Variants in ZNF280C observed in about 807,000 individuals in gnomAD.
ZNF280C encodes the protein suppressor of hairy wing homolog 3.
Under a neutral mutation model 53.6 loss-of-function variants are expected in ZNF280C, and 14 were observed. The ratio of observed to expected loss-of-function variants is 0.26; its 90% CI spans 0.17 to 0.41. The LOEUF (loss-of-function observed/expected upper bound fraction) is 0.41. Among genes scored for constraint, ZNF280C ranks in the 10% least tolerant of loss-of-function variants. ZNF280C has a pLI of 1.00. For synonymous variants in ZNF280C, 203 were observed against 181.1 expected (o/e 1.12, Z -0.97); for missense variants, 416 against 547.1 (o/e 0.76, Z 2.39).
chrX:130,236,988 A>G (rs950134231), intron 6 of ZNF280C, among the ~76,000 whole-genome samples: 1 of 111,869 alleles, frequency 8.9e-6, no homozygotes, highest in Admixed American at 9.6e-5. Context: ...GCTAAATAAA[A>G]TAAATAAAAG....
At chrX:130,244,172 A>T (rs976878814) in intron 3 of ZNF280C, among the ~76,000 whole-genome samples, 6 of 111,734 alleles carry the variant, frequency 5.4e-5, no homozygotes, top group African/African-American at 2.0e-4. Context: ...GACTAAATTA[A>T]ACCTGGAGTT....
intron 2 of ZNF280C, 108 bp from the exon 3 acceptor site, chrX:130,247,113 T>C: frequency 2.6e-6 from 2 of 783,537 alleles, no homozygotes; most frequent in South Asian, 3.2e-5. Context: ...CTAATAGCAA[T>C]TACTGACTTG....
intron 1 of ZNF280C, among the ~76,000 whole-genome samples, chrX:130,263,414 G>C (rs1367930682): frequency 1.8e-5 from 2 of 112,087 alleles, no homozygotes; most frequent in Non-Finnish European, 3.8e-5. Flanking sequence ...CAATACTAAT[G>C]GGCCTTGAGA....
intron 13 of ZNF280C, 106 bp from the exon 14 acceptor site, chrX:130,216,207 G>T: frequency 2.6e-6 from 2 of 756,699 alleles, no homozygotes; most frequent in Non-Finnish European, 3.8e-6. Flanking sequence ...AACTGGCAAG[G>T]GTCCCAAAAC....
intron 1 of ZNF280C, among the ~76,000 whole-genome samples, chrX:130,264,193 A>C (rs1340237859): frequency 9.0e-6 from 1 of 111,334 alleles, no homozygotes; most frequent in Non-Finnish European, 1.9e-5. Flanking sequence ...GAGAGTAGGT[A>C]AACATTCGAC....
intron 13 of ZNF280C, among the ~76,000 whole-genome samples, chrX:130,219,442 G>T (rs1331555364): frequency 1.1e-5 from 1 of 93,688 alleles, no homozygotes; most frequent in African/African-American, 4.1e-5. Flanking sequence ...AGCTGAGATC[G>T]CGCCACTGCA....
At chrX:130,268,349 G>A (rs1288411934) in intron 1 of ZNF280C, among the ~76,000 whole-genome samples, 1 of 111,574 alleles carries the variant, frequency 9.0e-6, no homozygotes, top group Non-Finnish European at 1.9e-5. Flanking sequence ...TTTGATTGAA[G>A]AGACTTGAGG....
rs1161249179 is a variant in ZNF280C at position 130,215,986 on chromosome X, G to A, written c.1643C>T (p.Thr548Ile). 8.3e-7 allele frequency: 1 copy of A among 1,209,553 alleles called. No homozygotes were observed. ...ATTAGATTTTCTAGGATTTCTAGCA[G>A]TTGTATTTTGAGATGTCGGAGGTGT... ...QVTPPTSQNT[T>I]ARNPRKSNAS... The change falls in exon 14 of 19, where the codon ACT (threonine) becomes ATT (isoleucine). Residue 548 changes from threonine (T) to isoleucine (I), a missense_variant. Thr to Ile is a moderately conservative substitution (Grantham distance 89). Coordinates refer to ENST00000370978, the MANE Select transcript of ZNF280C (RefSeq NM_017666.5).
intron 3 of ZNF280C, among the ~76,000 whole-genome samples, chrX:130,245,784 C>CTTTTTTTTTTTTTT (rs72420800): frequency 9.7e-6 from 1 of 103,458 alleles, no homozygotes. Context: ...TATTTGAGGA[C>CTTTTTTTTTTTTTT]TTTTTTTTTT....
intron 3 of ZNF280C, among the ~76,000 whole-genome samples, chrX:130,244,860 A>C (rs17305243): frequency 0.021 from 2,263 of 109,817 alleles, 72 homozygotes; most frequent in Admixed American, 0.1. Context: ...ACACCAAAGT[A>C]GGGTTGCTTT....
rs763767494 is a variant in ZNF280C, at chrX:130,246,761, T to TA, written c.178+97dup. ...ACTCTCCCTCTTACCTCTAACTCCT[T>TA]ACAGAAGAACAACAGTATGAAGGAC... On this transcript the variant is annotated intron_variant, in intron 3 of 18. Transcript: ENST00000370978. The TA allele has an allele frequency of 4.0e-5, 41 of 1,026,146 alleles. 1 individual carries two copies. In the East Asian group the frequency reaches 5.5e-4, roughly 14 times the overall value. The allele number at this position is 1,026,146 out of a possible 1,213,427, so 84.6% of individuals were successfully genotyped here.
At chrX:130,252,674 C>T (rs1048585983) in intron 2 of ZNF280C, among the ~76,000 whole-genome samples, 1 of 109,143 alleles carries the variant, frequency 9.2e-6, no homozygotes, top group East Asian at 2.9e-4. Flanking sequence ...GAGCCAAGAT[C>T]GTGCCACTGC....
At chrX:130,220,148 T>C (rs2032148158) in intron 13 of ZNF280C, among the ~76,000 whole-genome samples, 1 of 111,006 alleles carries the variant, frequency 9.0e-6, no homozygotes, top group African/African-American at 3.3e-5. Context: ...ACCTCAAGTA[T>C]TTATCATTTA....
At chrX:130,242,621 C>T (rs1012030240) in intron 5 of ZNF280C, among the ~76,000 whole-genome samples, 2 of 112,024 alleles carry the variant, frequency 1.8e-5, no homozygotes, top group Non-Finnish European at 3.8e-5. Flanking sequence ...CTCACTGCAA[C>T]CTCTGCCTCC....
At chrX:130,206,361 G>GCT (rs2031973964) in intron 16 of ZNF280C, among the ~76,000 whole-genome samples, 2 of 73,478 alleles carry the variant, frequency 2.7e-5, no homozygotes, top group East Asian at 1.0e-3. Flanking sequence ...GACTTCTTTA[G>GCT]TTTTTTTTTT....
At chrX:130,241,332 A>T (rs1385531590) in intron 5 of ZNF280C, among the ~76,000 whole-genome samples, 2 of 112,322 alleles carry the variant, frequency 1.8e-5, no homozygotes, top group Non-Finnish European at 3.8e-5. Flanking sequence ...TCACTTGGAG[A>T]GTTTTACAAT....
chrX:130,208,122 T>A (rs1481099596), intron 16 of ZNF280C, among the ~76,000 whole-genome samples: 1 of 112,129 alleles, frequency 8.9e-6, no homozygotes, highest in African/African-American at 3.2e-5. Context: ...GCTATGTCCA[T>A]ACACAGATTT....
intron 15 of ZNF280C, among the ~76,000 whole-genome samples, chrX:130,212,413 T>C (rs146867367): frequency 4.1e-3 from 450 of 109,114 alleles, no homozygotes; most frequent in African/African-American, 0.014. Flanking sequence ...CATAGAGGAG[T>C]AGCAGCCAAA....
chrX:130,218,782 A>G lies in ZNF280C; in HGVS notation c.1527+1567T>C, dbSNP rs761039387. ...TATGGGGATAATACTTGCCTTGTCTATATCACTGGATCACCACATAGGTTA... is the reference window on the plus strand; with the variant it reads ...TATGGGGATAATACTTGCCTTGTCTGTATCACTGGATCACCACATAGGTTA... On this transcript the variant is annotated intron_variant, in intron 13 of 18. Transcript: ENST00000370978. Among the ~76,000 whole-genome samples the G allele has an allele frequency of 6.3e-5, 7 of 111,913 alleles. 1 individual carries two copies. In the South Asian group the frequency reaches 2.3e-3, roughly 36 times the overall value.
Sources: gnomAD v4.1 joint callset for allele counts (sites outside exome capture counted in the v4.1 genomes callset) on GRCh38, gnomAD v4.1.1 for gene constraint, MANE v1.5 for transcripts, NCBI Gene and HGNC (gene_info 2026-07-23, HGNC 2026-07-21) for gene names.